The following IMMP2L variants were observed in gnomAD, a reference collection of about 807,000 sequenced individuals.
IMMP2L encodes the protein mitochondrial inner membrane protease subunit 2.
IMMP2L carries 18 observed loss-of-function variants against 19.3 expected under a neutral mutation model. The observed-to-expected ratio is 0.93, with a 90% CI of 0.64 to 1.38. The LOEUF (loss-of-function observed/expected upper bound fraction) is 1.38, where lower values mean the gene tolerates loss of function less well. IMMP2L is among the 40% of genes most tolerant of loss of function. The pLI, the probability that IMMP2L is intolerant of heterozygous loss-of-function variation, is 0.00. For synonymous variants in IMMP2L, 76 were observed against 73.0 expected, an observed-to-expected ratio of 1.04 and a Z score of -0.21; for missense variants, 233 against 218.2, an observed-to-expected ratio of 1.07 and a Z score of -0.43.
intron 4 of IMMP2L, among the ~76,000 whole-genome samples, chr7:110,928,885 T>A (rs1255514746): frequency 6.6e-6 from 1 of 152,124 alleles, no homozygotes; most frequent in Non-Finnish European, 1.5e-5. Context: ...ATCTATGTAT[T>A]AAGCAAAGCC....
intron 4 of IMMP2L, among the ~76,000 whole-genome samples, chr7:110,932,521 T>C (rs1038970989): frequency 2.6e-5 from 4 of 151,982 alleles, no homozygotes; most frequent in Admixed American, 6.5e-5. Context: ...GCCAGGTGAT[T>C]TTTTTGTATT....
In IMMP2L at chr7:110,758,831, T is replaced by C. The variant is rs987799663; in HGVS notation, c.409-95110A>G. 2.0e-5 allele frequency among the ~76,000 whole-genome samples: 3 copies of C among 152,034 alleles called. No individual in the cohort carries two copies. Among genetic ancestry groups the C allele is most frequent in the African/African-American group, 7.2e-5 (3 of 41,418 alleles). The stretch of plus-strand genomic sequence containing the variant: ...CAGTGCCTGGAAAATTAATGAGTTA[T>C]ATAAGTAAACCTCCCCAGGTGCCAA... On this transcript the variant is annotated intron_variant, in intron 5 of 5. Coordinates refer to ENST00000405709, the MANE Select transcript of IMMP2L (RefSeq NM_032549.4). This position sits in a 1 kb window ranked among gnomAD's most constrained non-coding sequence, Gnocchi z 4.6.
chr7:110,764,493 C>G (rs1798540753), intron 5 of IMMP2L, among the ~76,000 whole-genome samples: 1 of 152,064 alleles, frequency 6.6e-6, no homozygotes, highest in African/African-American at 2.4e-5. Context: ...GTAATATTGT[C>G]TACATCAGTA....
chr7:111,251,432 A>G (rs978754477), intron 3 of IMMP2L, among the ~76,000 whole-genome samples: 2 of 152,168 alleles, frequency 1.3e-5, no homozygotes, highest in African/African-American at 4.8e-5. Context: ...AAATCATTCT[A>G]TTATAAAGAT....
At chr7:111,043,686 T>C (rs879503736) in intron 3 of IMMP2L, among the ~76,000 whole-genome samples, 3 of 152,228 alleles carry the variant, frequency 2.0e-5, no homozygotes, top group Non-Finnish European at 4.4e-5. Flanking sequence ...AGTTTTTTAG[T>C]CTAACACCAG....
intron 3 of IMMP2L, among the ~76,000 whole-genome samples, chr7:111,301,378 G>C (rs1822221264): frequency 1.3e-5 from 2 of 150,250 alleles, no homozygotes; most frequent in Middle Eastern, 6.9e-3. Context: ...TTTTTGGCAG[G>C]AGATATGGTT....
intron 3 of IMMP2L, among the ~76,000 whole-genome samples, chr7:111,072,983 C>T (rs1795090734): frequency 6.6e-6 from 1 of 150,974 alleles, no homozygotes; most frequent in African/African-American, 2.4e-5. Flanking sequence ...TTGGTAAAGG[C>T]AAAGACATGG....
At chr7:111,121,140 C>G (rs1297185561) in intron 3 of IMMP2L, among the ~76,000 whole-genome samples, 1 of 152,150 alleles carries the variant, frequency 6.6e-6, no homozygotes, top group Non-Finnish European at 1.5e-5. Context: ...ATTTCTCAGC[C>G]TGCCCAATGC....
intron 5 of IMMP2L, among the ~76,000 whole-genome samples, chr7:110,805,788 A>G (rs1037896009): frequency 6.6e-6 from 1 of 152,038 alleles, no homozygotes; most frequent in Non-Finnish European, 1.5e-5. Flanking sequence ...TGTCTTATAC[A>G]TGGCTTTTAC....
intron 3 of IMMP2L, among the ~76,000 whole-genome samples, chr7:111,180,642 G>A (rs1807602140): frequency 6.6e-6 from 1 of 152,054 alleles, no homozygotes; most frequent in Admixed American, 6.6e-5. Flanking sequence ...ACTCAATGCA[G>A]GGTTGCTACA....
At chr7:111,037,127 A>G (rs1791430276) in intron 3 of IMMP2L, among the ~76,000 whole-genome samples, 1 of 152,296 alleles carries the variant, frequency 6.6e-6, no homozygotes, top group African/African-American at 2.4e-5. Context: ...TCATCATTAC[A>G]CTGTTGTGCT....
At chr7:110,704,887 A>T (rs1433086411) in intron 5 of IMMP2L, among the ~76,000 whole-genome samples, 1 of 152,150 alleles carries the variant, frequency 6.6e-6, no homozygotes, top group Non-Finnish European at 1.5e-5. Flanking sequence ...ACTTACCCTC[A>T]TCCCACAGCA....
At chr7:111,034,277 G>A (rs1791120904) in intron 3 of IMMP2L, among the ~76,000 whole-genome samples, 1 of 151,954 alleles carries the variant, frequency 6.6e-6, no homozygotes, top group Non-Finnish European at 1.5e-5. Context: ...ACCCTGCAGT[G>A]AATTTACAGT....
At chr7:111,122,864 G>T (rs186329804) in intron 3 of IMMP2L, 1 of 1,613,758 alleles carries the variant, frequency 6.2e-7, no homozygotes, top group East Asian at 2.2e-5. Context: ...GATTGTCCAC[G>T]GTTATGTACG....
chr7:111,281,186 G>GAAAGAAAGAA (rs1208783900), intron 3 of IMMP2L, among the ~76,000 whole-genome samples: 2 of 71,406 alleles, frequency 2.8e-5, no homozygotes, highest in Non-Finnish European at 5.5e-5. Context: ...AAGAAAGAAA[G>GAAAGAAAGAA]AAAGAAAGAA....
At chr7:110,905,329 G>A (rs1202635168) in intron 4 of IMMP2L, among the ~76,000 whole-genome samples, 1 of 151,976 alleles carries the variant, frequency 6.6e-6, no homozygotes, top group Non-Finnish European at 1.5e-5. Flanking sequence ...TAACATGCTA[G>A]GATTAGGAAA....
chr7:111,459,308 T>C (rs894639293), intron 3 of IMMP2L, among the ~76,000 whole-genome samples: 6 of 152,148 alleles, frequency 3.9e-5, no homozygotes, highest in Non-Finnish European at 7.4e-5. Flanking sequence ...GTTAAGGTTC[T>C]TGATAAATAC....
intron 3 of IMMP2L, among the ~76,000 whole-genome samples, chr7:111,377,979 C>T (rs949274521): frequency 6.6e-6 from 1 of 151,306 alleles, no homozygotes; most frequent in Non-Finnish European, 1.5e-5. Flanking sequence ...CTTTTAAAAT[C>T]AAGGGGAATA....
intron 3 of IMMP2L, among the ~76,000 whole-genome samples, chr7:111,003,807 T>C (rs1400996916): frequency 2.0e-5 from 3 of 152,090 alleles, no homozygotes; most frequent in African/African-American, 7.2e-5. Flanking sequence ...ACACTCTACC[T>C]GGCTGATTTA....
Sources: allele counts gnomAD v4.1 joint callset (sites outside exome capture counted in the v4.1 genomes callset), GRCh38; gene constraint gnomAD v4.1.1; non-coding constraint Gnocchi (gnomAD v3.1); transcripts MANE v1.5; gene names NCBI Gene and HGNC (gene_info 2026-07-23, HGNC 2026-07-21).